ADAMTS9: variants seen among roughly 807,000 people sequenced by gnomAD.
ADAMTS9 encodes A disintegrin and metalloproteinase with thrombospondin motifs 9.
Under a neutral mutation model 257.1 loss-of-function variants are expected in ADAMTS9, and 107 were observed. That is an observed-to-expected ratio of 0.42 (90% confidence interval 0.36 to 0.49). ADAMTS9 has a LOEUF of 0.49. Among genes scored for constraint, ADAMTS9 ranks in the 20% least tolerant of loss-of-function variants. ADAMTS9 has a pLI of 0.03. For missense variants in ADAMTS9, 2,353 were observed against 2,469.1 expected, an observed-to-expected ratio of 0.95 and a Z score of 1.00; for synonymous variants, 982 against 880.9, an observed-to-expected ratio of 1.11 and a Z score of -2.03.
At position 64,633,508 on chromosome 3, in the gene ADAMTS9, C is replaced by G; in HGVS notation, c.2139G>C (p.Gln713His). Reference sequence around the variant, plus strand: ...CCTGGACACAGATATCATTTGTGTCCTGGCCACAAGGAGTTCCATCTATCA... The same window carrying G: ...CCTGGACACAGATATCATTTGTGTCGTGGCCACAAGGAGTTCCATCTATCA... ...DRVIDGTPCG[Q>H]DTNDICVQGL... Residue 713 changes from glutamine (Q) to histidine (H), a missense_variant, in exon 14 of 40, where the codon CAG becomes CAC. By Grantham distance (24) the Gln-to-His change is conservative. This residue lies in a region of ADAMTS9 where 360 missense variants were observed against 458.1 expected (regional missense o/e 0.79). Coordinates refer to ENST00000498707, the MANE Select transcript of ADAMTS9 (RefSeq NM_182920.2). 6.2e-7 allele frequency: 1 copy of G among 1,614,100 alleles called. No individual in the cohort carries two copies. Among genetic ancestry groups the G allele is most frequent in the South Asian group, 1.1e-5 (1 of 91,080 alleles).
At chr3:64,592,371 C>A (rs2084279130) in intron 28 of ADAMTS9, 1 of 152,138 alleles carries the variant, frequency 6.6e-6, no homozygotes, top group African/African-American at 2.4e-5. Flanking sequence ...TCCTCTGTTT[C>A]AGAGAACTGT....
Position 64,541,885 on chromosome 3 carries a change from G to A in ADAMTS9, c.5150C>T (p.Thr1717Ile), listed in dbSNP as rs377380779. The A allele has an allele frequency of 6.2e-7, 1 of 1,614,180 alleles. No individual in the cohort carries two copies. The highest frequency in any genetic ancestry group is 1.7e-5 in the Admixed American group (1 of 60,032). ...NEDQPSHLCHTDLKPEERKTC... is the reference protein window; with the variant it reads ...NEDQPSHLCHIDLKPEERKTC... ...TTTTCGTTCTTCTGGCTTCAGATCAGTGTGGCATAAGTGGCTGGGTTGGTC... is the reference window on the plus strand; with the variant it reads ...TTTTCGTTCTTCTGGCTTCAGATCAATGTGGCATAAGTGGCTGGGTTGGTC... The change falls in exon 33 of 40, where the codon ACT (threonine) becomes ATT (isoleucine). Residue 1717 changes from threonine (T) to isoleucine (I), a missense_variant. Coordinates refer to ENST00000498707, the MANE Select transcript of ADAMTS9 (RefSeq NM_182920.2).
At chr3:64,556,856 T>A (rs2083344590) in intron 30 of ADAMTS9, among the ~76,000 whole-genome samples, 1 of 152,030 alleles carries the variant, frequency 6.6e-6, no homozygotes, top group Non-Finnish European at 1.5e-5. Context: ...ACCCATCCAT[T>A]ATTTTGTTTC....
chr3:64,544,033 A>G lies in ADAMTS9; in HGVS notation c.5065-2063T>C, dbSNP rs150353018. Among the ~76,000 whole-genome samples, 1,285 of 152,330 alleles carry G rather than the reference A, an allele frequency of 8.4e-3. 11 individuals carry two copies. Among genetic ancestry groups the G allele is most frequent in the Non-Finnish European group, 0.014 (922 of 68,034 alleles). ...TTCACAATTGCTTCAAAGAGAATAAAATACCTAGGAATCCAACTTACAAGG... is the reference window on the plus strand; with the variant it reads ...TTCACAATTGCTTCAAAGAGAATAAGATACCTAGGAATCCAACTTACAAGG... On this transcript the variant is annotated intron_variant, in intron 32 of 39. Coordinates refer to ENST00000498707, the MANE Select transcript of ADAMTS9 (RefSeq NM_182920.2).
At chr3:64,602,570 T>C (rs2084484888) in intron 25 of ADAMTS9, among the ~76,000 whole-genome samples, 1 of 152,200 alleles carries the variant, frequency 6.6e-6, no homozygotes, top group Admixed American at 6.5e-5. Context: ...CATTCGCCAC[T>C]CACTGCACTC....
chr3:64,593,517 T>A (rs1380805444), intron 28 of ADAMTS9, among the ~76,000 whole-genome samples: 5 of 152,228 alleles, frequency 3.3e-5, no homozygotes, highest in African/African-American at 1.2e-4. Flanking sequence ...ACACAGCTGA[T>A]GCTTCTGTTT....
chr3:64,519,321 G>A (rs2082821020), intron 39 of ADAMTS9, among the ~76,000 whole-genome samples: 1 of 152,084 alleles, frequency 6.6e-6, no homozygotes, highest in African/African-American at 2.4e-5. Context: ...ACCTAATGAA[G>A]CAGGACCCCT....
Position 64,651,175 on chromosome 3 carries a change from G to T in ADAMTS9, c.1317-12C>A, listed in dbSNP as rs753307038. ...GAGGCATGTTAAACCTAAAGCCAAT[G>T]AGACAATGATGAGAATGTCAATAAA... On this transcript the variant is annotated splice_polypyrimidine_tract_variant and intron_variant, in intron 8 of 39. Transcript: ENST00000498707. The T allele has an allele frequency of 6.4e-7, 1 of 1,559,382 alleles. No homozygotes were observed. Among genetic ancestry groups the T allele is most frequent in the Admixed American group, 2.1e-5 (1 of 46,730 alleles).
intron 28 of ADAMTS9, among the ~76,000 whole-genome samples, chr3:64,593,681 A>G (rs979977982): frequency 1.3e-5 from 2 of 152,176 alleles, no homozygotes; most frequent in Admixed American, 6.5e-5. Flanking sequence ...GAGAGAGAAC[A>G]TTTCCGACAC....
chr3:64,665,059 T>C (rs987722686), intron 3 of ADAMTS9, among the ~76,000 whole-genome samples: 1 of 152,236 alleles, frequency 6.6e-6, no homozygotes, highest in Admixed American at 6.5e-5. Flanking sequence ...TAAACGCATG[T>C]TTGCATTAGA....
chr3:64,524,248 A>T (rs369152520), intron 38 of ADAMTS9, among the ~76,000 whole-genome samples: 1 of 152,238 alleles, frequency 6.6e-6, no homozygotes, highest in South Asian at 2.1e-4. Context: ...CTAGCAATTG[A>T]GGAGCTTCAA....
At chr3:64,625,558 G>A (rs77905656) in intron 16 of ADAMTS9, among the ~76,000 whole-genome samples, 3,863 of 152,202 alleles carry the variant, frequency 0.025, 134 homozygotes, top group African/African-American at 0.08. Flanking sequence ...CCTTACTGAC[G>A]CAGGGCTATT....
intron 3 of ADAMTS9, among the ~76,000 whole-genome samples, chr3:64,663,428 CTTT>C (rs10712747): frequency 2.4e-4 from 31 of 127,520 alleles, no homozygotes; most frequent in Non-Finnish European, 4.0e-4. Flanking sequence ...GTATGGAATT[CTTT>C]TTTTTTTTTT....
At chr3:64,533,111 A>G (rs1278269215) in intron 38 of ADAMTS9, 55 bp downstream of exon 38, 9 of 1,501,242 alleles carry the variant, frequency 6.0e-6, no homozygotes, top group Non-Finnish European at 8.3e-6. Context: ...TAATAAAGAC[A>G]AGAACGAAAG....
intron 28 of ADAMTS9, among the ~76,000 whole-genome samples, chr3:64,584,418 G>A (rs1020325165): frequency 6.6e-6 from 1 of 151,984 alleles, no homozygotes; most frequent in South Asian, 2.1e-4. Context: ...ATGGGAAAAG[G>A]CCAATAAAAA....
chr3:64,599,128 T>C (rs185834752), intron 26 of ADAMTS9, among the ~76,000 whole-genome samples: 2 of 152,220 alleles, frequency 1.3e-5, no homozygotes, highest in East Asian at 3.9e-4. Flanking sequence ...GGCCAAGCAG[T>C]TGCACTGCAC....
In ADAMTS9 at chr3:64,566,405, T is replaced by A. The variant is rs533635560; in HGVS notation, c.4524+1963A>T. ...ATAAGGCTGGCCACAGACCATTATATAACTGTGTTTACTTGCATTTTCTAC... is the reference window on the plus strand; with the variant it reads ...ATAAGGCTGGCCACAGACCATTATAAAACTGTGTTTACTTGCATTTTCTAC... On this transcript the variant is annotated intron_variant, in intron 29 of 39. Transcript: ENST00000498707. Among the ~76,000 whole-genome samples, 3 of 152,342 alleles carry A rather than the reference T, an allele frequency of 2.0e-5. No homozygotes were observed. In the East Asian group the frequency reaches 5.8e-4, roughly 29 times the overall value.
At chr3:64,639,299 T>TTTG (rs1700577889) in intron 12 of ADAMTS9, among the ~76,000 whole-genome samples, 2 of 144,214 alleles carry the variant, frequency 1.4e-5, no homozygotes, top group Non-Finnish European at 3.0e-5. Flanking sequence ...GATTGTTTTT[T>TTTG]TTTTTTTTTT....
In ADAMTS9 at chr3:64,616,176, CA is replaced by C; in HGVS notation, c.2814-7del. Reference sequence around the variant, plus strand: ...TCCTGCTGGCAACATGCCACCTATGCAAAAATAATGGGGCAAAACCAACATT... The same window carrying C: ...TCCTGCTGGCAACATGCCACCTATGCAAAATAATGGGGCAAAACCAACATT... On this transcript the variant is annotated splice_region_variant and splice_polypyrimidine_tract_variant and intron_variant, in intron 19 of 39. Coordinates refer to ENST00000498707, the MANE Select transcript of ADAMTS9 (RefSeq NM_182920.2). 1.2e-6 allele frequency: 2 copies of C among 1,613,858 alleles called. No homozygotes were observed. Among genetic ancestry groups the C allele is most frequent in the Non-Finnish European group, 1.7e-6 (2 of 1,179,850 alleles).
Sources: allele counts gnomAD v4.1 joint callset (sites outside exome capture counted in the v4.1 genomes callset), GRCh38; gene constraint gnomAD v4.1.1; regional missense constraint gnomAD v4.1.1; transcripts MANE v1.5; gene names NCBI Gene and HGNC (gene_info 2026-07-23, HGNC 2026-07-21).